Variants in GPC6 observed in about 807,000 individuals in gnomAD.
GPC6 encodes glypican 6.
Under a neutral mutation model 55.2 loss-of-function variants are expected in GPC6, and 14 were observed. That is an observed-to-expected ratio of 0.25 (90% CI 0.17 to 0.40). The LOEUF (loss-of-function observed/expected upper bound fraction) is 0.40. GPC6 is among the 10% of genes least tolerant of loss of function. The pLI, the probability that GPC6 is intolerant of heterozygous loss-of-function variation, is 1.00. For synonymous variants in GPC6, 278 were observed against 259.6 expected, an observed-to-expected ratio of 1.07 and a Z score of -0.68; for missense variants, 641 against 708.5, an observed-to-expected ratio of 0.90 and a Z score of 1.08.
chr13:94,228,089 C>T (rs1466748041), intron 4 of GPC6, among the ~76,000 whole-genome samples: 3 of 152,168 alleles, frequency 2.0e-5, no homozygotes, highest in Non-Finnish European at 4.4e-5. Flanking sequence ...TTCCGTGGGA[C>T]AAGATTGCCA....
At chr13:93,802,823 A>G (rs1886421293) in intron 2 of GPC6, among the ~76,000 whole-genome samples, 1 of 152,228 alleles carries the variant, frequency 6.6e-6, no homozygotes, top group South Asian at 2.1e-4. Flanking sequence ...GAAACACCTG[A>G]GAGAGAAATA....
Position 93,239,948 on chromosome 13 carries a change from C to T in GPC6, c.160+12332C>T, listed in dbSNP as rs149827562. On this transcript the variant is annotated intron_variant, in intron 1 of 8. Coordinates refer to ENST00000377047, the MANE Select transcript of GPC6 (RefSeq NM_005708.5). ...ACATATTTGTATAGTTTTGGGAATC[C>T]CTCTTGGAATTGATTTTTAGGTTTA... Among the ~76,000 whole-genome samples, 11 of 152,006 alleles carry T rather than the reference C, an allele frequency of 7.2e-5. 1 individual carries two copies. Among genetic ancestry groups the T allele is most frequent in the Admixed American group, 1.3e-4 (2 of 15,256 alleles).
chr13:93,249,958 G>A (rs1359382944), intron 1 of GPC6, among the ~76,000 whole-genome samples: 3 of 152,112 alleles, frequency 2.0e-5, no homozygotes, highest in Non-Finnish European at 2.9e-5. Context: ...TGGGTAACAG[G>A]AGAAAACATT....
chr13:93,627,538 T>G (rs1879253512), intron 2 of GPC6, among the ~76,000 whole-genome samples: 1 of 152,192 alleles, frequency 6.6e-6, no homozygotes, highest in Non-Finnish European at 1.5e-5. Flanking sequence ...CTCCTTCCAC[T>G]GCTGCTTCAC....
At chr13:94,054,765 G>A (rs551139830) in intron 4 of GPC6, among the ~76,000 whole-genome samples, 1 of 152,294 alleles carries the variant, frequency 6.6e-6, no homozygotes, top group East Asian at 1.9e-4. Flanking sequence ...TGGGTTAGGA[G>A]ACCTGTGGGA....
chr13:94,357,543 C>CCCAG (rs1878858216), intron 6 of GPC6, among the ~76,000 whole-genome samples: 1 of 152,172 alleles, frequency 6.6e-6, no homozygotes, highest in African/African-American at 2.4e-5. Context: ...ACTGATGGTA[C>CCCAG]CCAGGCCTTG....
intron 7 of GPC6, among the ~76,000 whole-genome samples, chr13:94,384,547 A>T (rs970630351): frequency 1.8e-4 from 27 of 148,812 alleles, no homozygotes; most frequent in African/African-American, 6.6e-4. Flanking sequence ...AAAAGGAAAT[A>T]TTTTTTTAAA....
intron 1 of GPC6, among the ~76,000 whole-genome samples, chr13:93,405,718 GA>G (rs1475233939): frequency 2.6e-5 from 4 of 152,052 alleles, no homozygotes; most frequent in Admixed American, 6.6e-5. Context: ...AGGGTAAAAT[GA>G]AACAAAACAG....
intron 4 of GPC6, among the ~76,000 whole-genome samples, chr13:94,101,147 G>A (rs755522264): frequency 6.6e-6 from 1 of 152,066 alleles, no homozygotes; most frequent in Admixed American, 6.5e-5. Flanking sequence ...CTTTCCCTAG[G>A]GCCTATTTAC....
chr13:94,185,738 G>A (rs1389570274), intron 4 of GPC6, among the ~76,000 whole-genome samples: 3 of 152,102 alleles, frequency 2.0e-5, no homozygotes, highest in African/African-American at 7.2e-5. Context: ...CCAGCGTGGA[G>A]CTCAGTGCTG....
intron 2 of GPC6, among the ~76,000 whole-genome samples, chr13:93,571,233 G>A (rs1009341278): frequency 1.3e-5 from 2 of 152,008 alleles, no homozygotes; most frequent in Non-Finnish European, 2.9e-5. Flanking sequence ...CTCTCAATGC[G>A]CAAACAGGCA....
intron 3 of GPC6, among the ~76,000 whole-genome samples, chr13:93,865,610 A>G (rs1256142936): frequency 6.6e-6 from 1 of 151,710 alleles, no homozygotes; most frequent in Non-Finnish European, 1.5e-5. Context: ...CTTATTATGC[A>G]GCCAGCTTTG....
chr13:93,787,416 T>C (rs999303396), intron 2 of GPC6, among the ~76,000 whole-genome samples: 1 of 152,200 alleles, frequency 6.6e-6, no homozygotes, highest in Non-Finnish European at 1.5e-5. Context: ...AAAACCTTAT[T>C]TATAAAAACG....
At chr13:93,771,336 C>A (rs1015354275) in intron 2 of GPC6, among the ~76,000 whole-genome samples, 4 of 152,142 alleles carry the variant, frequency 2.6e-5, no homozygotes, top group Non-Finnish European at 5.9e-5. Context: ...GGAGAGCAAG[C>A]CTCTAAATTA....
chr13:93,917,848 C>T (rs1242818079), intron 3 of GPC6, among the ~76,000 whole-genome samples: 1 of 152,152 alleles, frequency 6.6e-6, no homozygotes, highest in Non-Finnish European at 1.5e-5. Flanking sequence ...CCTGTAATCC[C>T]AGCACTTTGG....
intron 1 of GPC6, among the ~76,000 whole-genome samples, chr13:93,478,326 C>T (rs1045280615): frequency 1.3e-5 from 2 of 152,042 alleles, no homozygotes; most frequent in African/African-American, 4.8e-5. Flanking sequence ...TTGAGAAGTA[C>T]AGGTTGAATA....
intron 3 of GPC6, among the ~76,000 whole-genome samples, chr13:93,865,703 C>T (rs546092154): frequency 6.6e-6 from 1 of 151,690 alleles, no homozygotes. Context: ...TGCCCTGCAA[C>T]TTTCTTTTTA....
At chr13:94,149,818 T>C (rs1428736755) in intron 4 of GPC6, among the ~76,000 whole-genome samples, 2 of 151,984 alleles carry the variant, frequency 1.3e-5, no homozygotes, top group South Asian at 2.1e-4. Flanking sequence ...TACCTTGTAG[T>C]TTGACCATGG....
At chr13:93,660,240 T>C (rs1333811524) in intron 2 of GPC6, among the ~76,000 whole-genome samples, 4 of 152,144 alleles carry the variant, frequency 2.6e-5, no homozygotes, top group Non-Finnish European at 5.9e-5. Context: ...AAATAGAGCT[T>C]TTGAATTACT....
Sources: allele counts gnomAD v4.1 joint callset (sites outside exome capture counted in the v4.1 genomes callset), GRCh38; gene constraint gnomAD v4.1.1; transcripts MANE v1.5; gene names NCBI Gene and HGNC (gene_info 2026-07-23, HGNC 2026-07-21).